The following COL22A1 variants were observed in gnomAD, a reference collection of about 807,000 sequenced individuals.
The protein encoded by COL22A1 is collagen type XXII alpha 1 chain.
COL22A1 carries 221 observed loss-of-function variants against 248.9 expected under a neutral mutation model. The observed-to-expected ratio is 0.89, with a 90% CI of 0.80 to 0.99. The LOEUF (loss-of-function observed/expected upper bound fraction) is 0.99, where lower values mean the gene tolerates loss of function less well. COL22A1 is among the 50% of genes least tolerant of loss of function. The probability of loss-of-function intolerance (pLI) is 0.00; values close to 1 mark genes in which losing one functional copy is unlikely to be tolerated. For missense variants in COL22A1, 2,240 were observed against 2,179.0 expected, an observed-to-expected ratio of 1.03 and a Z score of -0.56; for synonymous variants, 891 against 793.4, an observed-to-expected ratio of 1.12 and a Z score of -2.07.
intron 47 of COL22A1, among the ~76,000 whole-genome samples, chr8:138,640,403 T>A (rs1231229048): frequency 6.6e-6 from 1 of 152,094 alleles, no homozygotes; most frequent in East Asian, 1.9e-4. Flanking sequence ...TTTCCCAAGT[T>A]AGTAACTCTC....
At chr8:138,640,746 C>T (rs1467402494) in intron 47 of COL22A1, among the ~76,000 whole-genome samples, 3 of 152,144 alleles carry the variant, frequency 2.0e-5, no homozygotes, top group Non-Finnish European at 4.4e-5. Flanking sequence ...GTAAATTCCC[C>T]CTTGTTCAGT....
chr8:138,663,077 G>C (rs892418648), intron 42 of COL22A1, among the ~76,000 whole-genome samples: 13 of 146,942 alleles, frequency 8.8e-5, no homozygotes, highest in African/African-American at 3.0e-4. Flanking sequence ...TATAAATAAA[G>C]GTTATTTAAA....
In COL22A1 at chr8:138,869,463, T is replaced by C. The variant is rs118064869; in HGVS notation, c.658+8287A>G. Among the ~76,000 whole-genome samples, 137 of 152,234 alleles carry C rather than the reference T, an allele frequency of 9.0e-4. 2 individuals are homozygous for C. In the East Asian group the frequency reaches 0.024, roughly 27 times the overall value. ...TGTTTGTGTCGCACAAGCTCGTTGCTTCTAATACATGGGTCGTACAGTTTT... is the reference window on the plus strand; with the variant it reads ...TGTTTGTGTCGCACAAGCTCGTTGCCTCTAATACATGGGTCGTACAGTTTT... On this transcript the variant is annotated intron_variant, in intron 3 of 64. Coordinates refer to ENST00000303045, the MANE Select transcript of COL22A1 (RefSeq NM_152888.3).
chr8:138,814,992 C>T (rs1818559544), intron 7 of COL22A1, among the ~76,000 whole-genome samples: 1 of 152,068 alleles, frequency 6.6e-6, no homozygotes, highest in African/African-American at 2.4e-5. Context: ...ATAATTGAAT[C>T]CCCATACTGT....
intron 1 of COL22A1, among the ~76,000 whole-genome samples, chr8:138,908,007 G>A (rs770227884): frequency 6.6e-6 from 1 of 152,110 alleles, no homozygotes; most frequent in African/African-American, 2.4e-5. Context: ...ACACCTGTCC[G>A]TCCATGCAGA....
intron 31 of COL22A1, among the ~76,000 whole-genome samples, chr8:138,701,475 C>A (rs1394135677): frequency 6.6e-6 from 1 of 152,160 alleles, no homozygotes; most frequent in Non-Finnish European, 1.5e-5. Context: ...ATGTCCCCAA[C>A]CCCTGTCCCT....
In COL22A1 at chr8:138,684,414, C is replaced by A; in HGVS notation, c.3012+11G>T. On this transcript the variant is annotated intron_variant, in intron 39 of 64. Coordinates refer to ENST00000303045, the MANE Select transcript of COL22A1 (RefSeq NM_152888.3). ...TCGTGGCACCCACAGTTTTCTTGGACAAGCACTCACCTTGGTTCCTAGGGG... is the reference window on the plus strand; with the variant it reads ...TCGTGGCACCCACAGTTTTCTTGGAAAAGCACTCACCTTGGTTCCTAGGGG... 1 of 1,601,810 alleles carries A rather than the reference C, an allele frequency of 6.2e-7. No individual in the cohort carries two copies. The highest frequency in any genetic ancestry group is 8.6e-7 in the Non-Finnish European group (1 of 1,168,778).
chr8:138,613,029 A>T (rs1819005628), intron 56 of COL22A1, among the ~76,000 whole-genome samples: 1 of 150,208 alleles, frequency 6.7e-6, no homozygotes, highest in African/African-American at 2.4e-5. Flanking sequence ...CGGGCAGATT[A>T]TGAGGTCAGG....
intron 5 of COL22A1, among the ~76,000 whole-genome samples, chr8:138,828,576 T>A (rs1435346611): frequency 1.3e-5 from 2 of 152,154 alleles, no homozygotes; most frequent in Non-Finnish European, 2.9e-5. Context: ...AATACATATC[T>A]TTTGAGAGCT....
At chr8:138,671,356 T>A (rs1162287795) in intron 41 of COL22A1, among the ~76,000 whole-genome samples, 2 of 152,158 alleles carry the variant, frequency 1.3e-5, no homozygotes, top group Non-Finnish European at 2.9e-5. Flanking sequence ...GAGAGAAATG[T>A]AAAGAAACAT....
intron 1 of COL22A1, among the ~76,000 whole-genome samples, chr8:138,906,899 C>T (rs1484628772): frequency 3.3e-5 from 5 of 152,144 alleles, no homozygotes; most frequent in African/African-American, 7.2e-5. Flanking sequence ...GTGATCCTTC[C>T]GCCTCGGCCT....
intron 12 of COL22A1, among the ~76,000 whole-genome samples, chr8:138,781,504 G>A (rs1040804652): frequency 3.3e-5 from 5 of 152,104 alleles, no homozygotes; most frequent in African/African-American, 1.2e-4. Context: ...CCTCCTGCTT[G>A]GGAACCACTG....
At chr8:138,804,706 G>A (rs1428680229) in intron 10 of COL22A1, among the ~76,000 whole-genome samples, 1 of 152,090 alleles carries the variant, frequency 6.6e-6, no homozygotes, top group Non-Finnish European at 1.5e-5. Context: ...GGGTGTGTGT[G>A]AGAGTGTGAT....
Position 138,778,339 on chromosome 8 carries a change from G to A in COL22A1, c.1758+14C>T. On this transcript the variant is annotated intron_variant, in intron 15 of 64. Coordinates refer to ENST00000303045, the MANE Select transcript of COL22A1 (RefSeq NM_152888.3). Reference sequence around the variant, plus strand: ...AGGGGTAGAACCCCTGCCCAGACAAGTGCCTTCACTTACAGGAGCTCCGAC... The same window carrying A: ...AGGGGTAGAACCCCTGCCCAGACAAATGCCTTCACTTACAGGAGCTCCGAC... 3 of 1,614,092 alleles carry A rather than the reference G, an allele frequency of 1.9e-6. No individual in the cohort carries two copies. The highest frequency in any genetic ancestry group is 2.5e-6 in the Non-Finnish European group (3 of 1,179,982).
chr8:138,603,020 G>A (rs993289328), intron 59 of COL22A1, among the ~76,000 whole-genome samples: 4 of 152,180 alleles, frequency 2.6e-5, no homozygotes, highest in Non-Finnish European at 2.9e-5. Flanking sequence ...AATTCAGCCC[G>A]GGGGCTCTTT....
At chr8:138,592,168 G>A (rs1195454359) in intron 63 of COL22A1, among the ~76,000 whole-genome samples, 5 of 152,110 alleles carry the variant, frequency 3.3e-5, no homozygotes, top group African/African-American at 1.2e-4. Flanking sequence ...TGCCATCATA[G>A]GAATTTCAAA....
At chr8:138,736,286 G>A (rs960909487) in intron 23 of COL22A1, among the ~76,000 whole-genome samples, 4 of 151,890 alleles carry the variant, frequency 2.6e-5, no homozygotes, top group African/African-American at 9.7e-5. Flanking sequence ...AAGCTTTGGT[G>A]GGTGGGGGGC....
intron 7 of COL22A1, among the ~76,000 whole-genome samples, chr8:138,814,840 C>A (rs1279324059): frequency 1.3e-5 from 2 of 152,168 alleles, no homozygotes; most frequent in Non-Finnish European, 2.9e-5. Context: ...AACTGATACA[C>A]CTCCCTCTAC....
At chr8:138,811,014 A>G (rs1818164554) in intron 9 of COL22A1, among the ~76,000 whole-genome samples, 1 of 152,146 alleles carries the variant, frequency 6.6e-6, no homozygotes, top group African/African-American at 2.4e-5. Context: ...CTTCGCAGAC[A>G]CTTTCCCCAG....
Sources: allele counts gnomAD v4.1 joint callset (sites outside exome capture counted in the v4.1 genomes callset), GRCh38; gene constraint gnomAD v4.1.1; transcripts MANE v1.5; gene names NCBI Gene and HGNC (gene_info 2026-07-23, HGNC 2026-07-21).